Variants in CCT3 observed in about 807,000 individuals in gnomAD.
The protein encoded by CCT3 is chaperonin containing TCP1 subunit 3, also known as T-complex protein 1 subunit gamma.
A neutral mutation model predicts 65.3 loss-of-function variants in CCT3; 10 were observed. The ratio of observed to expected loss-of-function variants is 0.15; its 90% CI spans 0.09 to 0.26. The LOEUF is 0.26. Among genes scored for constraint, CCT3 ranks in the 10% least tolerant of loss-of-function variants. The probability of loss-of-function intolerance (pLI) is 1.00; values close to 1 mark genes in which losing one functional copy is unlikely to be tolerated. For missense variants in CCT3, 626 were observed against 708.7 expected (o/e 0.88, Z 1.33); for synonymous variants, 225 against 242.3 (o/e 0.93, Z 0.66).
chr1:156,327,771 C>T (rs1321585714), intron 5 of CCT3, among the ~76,000 whole-genome samples: 7 of 149,772 alleles, frequency 4.7e-5, no homozygotes, highest in Non-Finnish European at 1.0e-4. Context: ...GTGAGGAGCC[C>T]CTCTGCCTGG....
chr1:156,328,025 G>A lies in CCT3; in HGVS notation c.305-2936C>T, dbSNP rs1233374583. 4.3e-4 allele frequency among the ~76,000 whole-genome samples: 52 copies of A among 120,338 alleles called. 2 individuals are homozygous for A. The highest frequency in any genetic ancestry group is 2.0e-3 in the Admixed American group (24 of 12,184). The allele number at this position is 120,338 out of a possible 152,430, so 78.9% of individuals were successfully genotyped here. A position where few individuals can be genotyped will look rare whatever the true frequency, so the allele number is the denominator to read the frequency against. ...AGCCCCTCCGTCCGGCAGCCACCCCGTCCGGGAGGGAGGTGGGGGTCCAGC... is the reference window on the plus strand; with the variant it reads ...AGCCCCTCCGTCCGGCAGCCACCCCATCCGGGAGGGAGGTGGGGGTCCAGC... On this transcript the variant is annotated intron_variant, in intron 5 of 13. Transcript: ENST00000295688.
In CCT3 at chr1:156,318,982, C is replaced by A. The variant is rs1448682587; in HGVS notation, c.645G>T (p.Leu215Phe). Residue 215 changes from leucine (L) to phenylalanine (F), a missense_variant, in exon 8 of 14, where the codon TTG becomes TTT. Leu to Phe is a conservative substitution (Grantham distance 22). Coordinates refer to ENST00000295688, the MANE Select transcript of CCT3 (RefSeq NM_005998.5). ...CATCCTTGTTAATCATGACTCCACG[C>A]AAGACACAGGAGTCTTCAATGATGC... ...PGGIIEDSCVLRGVMINKDVT... is the reference protein window; with the variant it reads ...PGGIIEDSCVFRGVMINKDVT... 1.9e-6 allele frequency: 3 copies of A among 1,613,812 alleles called. No homozygotes were observed. Among genetic ancestry groups the A allele is most frequent in the Non-Finnish European group, 2.5e-6 (3 of 1,179,886 alleles).
At chr1:156,310,319 C>T (rs1326269464) in intron 13 of CCT3, among the ~76,000 whole-genome samples, 1 of 151,810 alleles carries the variant, frequency 6.6e-6, no homozygotes, top group Non-Finnish European at 1.5e-5. Flanking sequence ...ATAGTGAAAC[C>T]CTATCTCTAC....
chr1:156,336,916 G>T (rs1324910413), intron 1 of CCT3, among the ~76,000 whole-genome samples: 1 of 151,672 alleles, frequency 6.6e-6, no homozygotes, highest in East Asian at 1.9e-4. Flanking sequence ...TCAAAATAGC[G>T]TTTTTATTTT....
At chr1:156,313,381 A>G (rs892328633) in intron 10 of CCT3, among the ~76,000 whole-genome samples, 1 of 149,560 alleles carries the variant, frequency 6.7e-6, no homozygotes, top group Non-Finnish European at 1.5e-5. Context: ...AGAGAGAGAG[A>G]GAAATCATTG....
At chr1:156,317,621 T>C in intron 8 of CCT3, 74 bp from the exon 9 acceptor site, 1 of 1,378,668 alleles carries the variant, frequency 7.3e-7, no homozygotes, top group Non-Finnish European at 1.0e-6. Context: ...ATTATACTCC[T>C]TCCACCCACC....
intron 6 of CCT3, among the ~76,000 whole-genome samples, chr1:156,321,425 G>T (rs1664547839): frequency 6.6e-6 from 1 of 152,042 alleles, no homozygotes; most frequent in African/African-American, 2.4e-5. Context: ...CATTTGAACA[G>T]CAAATTTTAT....
chr1:156,319,031 A>C lies in CCT3; in HGVS notation c.610-14T>G. ...GCCTCCAGGTATCTGAACAAAAGAC[A>C]ACTGCACTTTAATCCACAATCAAGA... On this transcript the variant is annotated splice_polypyrimidine_tract_variant and intron_variant, in intron 7 of 13. Transcript: ENST00000295688. 6.3e-7 allele frequency: 1 copy of C among 1,583,194 alleles called. No individual in the cohort carries two copies. Among genetic ancestry groups the C allele is most frequent in the South Asian group, 1.1e-5 (1 of 86,970 alleles).
intron 5 of CCT3, among the ~76,000 whole-genome samples, chr1:156,331,790 T>C (rs996912675): frequency 6.6e-6 from 1 of 151,956 alleles, no homozygotes; most frequent in African/African-American, 2.4e-5. Flanking sequence ...TCCCAGCACT[T>C]TGGGAGGCAG....
Position 156,324,961 on chromosome 1 carries a change from C to T in CCT3, c.422+11G>A, listed in dbSNP as rs1664739230. The T allele has an allele frequency of 1.3e-6, 2 of 1,562,720 alleles. No individual in the cohort carries two copies. The highest frequency in any genetic ancestry group is 2.2e-5 in the South Asian group (2 of 90,068). On this transcript the variant is annotated intron_variant, in intron 6 of 13. Transcript: ENST00000295688. ...ATATTTGATACTACCTATTTCTTGC[C>T]CCCAAGATACCTTATTTTCTTTAGG... is the stretch of plus-strand genomic sequence containing the variant.
intron 5 of CCT3, among the ~76,000 whole-genome samples, chr1:156,332,388 A>G (rs1472310827): frequency 6.6e-6 from 1 of 152,234 alleles, no homozygotes; most frequent in East Asian, 1.9e-4. Flanking sequence ...AATAAAGGCA[A>G]TAGGCCAAGA....
At chr1:156,319,331 T>C (rs1664450918) in intron 7 of CCT3, among the ~76,000 whole-genome samples, 1 of 151,974 alleles carries the variant, frequency 6.6e-6, no homozygotes, top group Admixed American at 6.6e-5. Context: ...TTAGCCAGGA[T>C]GGTCTCGATC....
rs1278170300 is a variant in CCT3 at position 156,315,446 on chromosome 1, T to C, written c.974+1720A>G. Among the ~76,000 whole-genome samples the C allele has an allele frequency of 3.3e-5, 5 of 152,302 alleles. No homozygotes were observed. The East Asian group carries it at 9.6e-4, about 29-fold the overall frequency. On this transcript the variant is annotated intron_variant, in intron 10 of 13. Transcript: ENST00000295688. Reference sequence around the variant, plus strand: ...CTGGTCTTGAACTCCTCACCTCAGGTGATCCACCTGCCTTGGCCTCCCAAA... The same window carrying C: ...CTGGTCTTGAACTCCTCACCTCAGGCGATCCACCTGCCTTGGCCTCCCAAA...
At chr1:156,328,200 GGGGGGGTC>G (rs1664937708) in intron 5 of CCT3, among the ~76,000 whole-genome samples, 1 of 116,696 alleles carries the variant, frequency 8.6e-6, no homozygotes, top group South Asian at 2.8e-4. Context: ...GAGGGAGGTG[GGGGGGGTC>G]AGTCCCCCCG....
chr1:156,337,750 G>T, intron 1 of CCT3: 1 of 218,174 alleles, frequency 4.6e-6, no homozygotes, highest in Non-Finnish European at 9.2e-6. Flanking sequence ...TTAAATTACC[G>T]CTACTAAGGG....
In CCT3 at chr1:156,338,193, G is replaced by C; in HGVS notation, c.-9C>G. On this transcript the variant is annotated 5_prime_UTR_variant, in exon 1 of 14. The change creates a new upstream start codon in the 5' untranslated region. Coordinates refer to ENST00000295688, the MANE Select transcript of CCT3 (RefSeq NM_005998.5). ...GGACGATGGCCCATCATGGCGACGCGATGCAGAGCCGGGTACCCAGAGCTG... is the reference window on the plus strand; with the variant it reads ...GGACGATGGCCCATCATGGCGACGCCATGCAGAGCCGGGTACCCAGAGCTG... The C allele has an allele frequency of 6.3e-7, 1 of 1,586,844 alleles. No individual in the cohort carries two copies. Among genetic ancestry groups the C allele is most frequent in the Non-Finnish European group, 8.6e-7 (1 of 1,168,234 alleles).
At position 156,334,897 on chromosome 1, in the gene CCT3, T is replaced by C; in HGVS notation, c.115A>G (p.Thr39Ala). 6.2e-7 allele frequency: 1 copy of C among 1,614,118 alleles called. No homozygotes were observed. The highest frequency in any genetic ancestry group is 8.5e-7 in the Non-Finnish European group (1 of 1,179,992). ...ATCATGGACTTGGGTCCCAAACATGTTCGGATGATATCTGCAATAGTCTAA... is the reference window on the plus strand; with the variant it reads ...ATCATGGACTTGGGTCCCAAACATGCTCGGATGATATCTGCAATAGTCTAA... Reference protein sequence around the residue: ...AAKTIADIIRTCLGPKSMMKM... With the variant: ...AAKTIADIIRACLGPKSMMKM... Residue 39 changes from threonine (T) to alanine (A), a missense_variant, in exon 3 of 14, where the codon ACA becomes GCA. Thr to Ala is a moderately conservative substitution (Grantham distance 58). Transcript: ENST00000295688.
Position 156,317,257 on chromosome 1 carries a change from CA to C in CCT3, c.893-11del. 1 of 1,613,524 alleles carries C rather than the reference CA, an allele frequency of 6.2e-7. No homozygotes were observed. The highest frequency in any genetic ancestry group is 8.5e-7 in the Non-Finnish European group (1 of 1,179,468). ...TAGTGCTGAGCTAAATCTACAAATC[CA>C]AGAGTAGAGATGTCAAGCTGGGTTC... On this transcript the variant is annotated splice_polypyrimidine_tract_variant and intron_variant, in intron 9 of 13. Coordinates refer to ENST00000295688, the MANE Select transcript of CCT3 (RefSeq NM_005998.5).
chr1:156,334,134 G>A (rs1199672078), intron 4 of CCT3, among the ~76,000 whole-genome samples: 2 of 151,920 alleles, frequency 1.3e-5, no homozygotes, highest in African/African-American at 4.8e-5. Flanking sequence ...AGCTAATCAG[G>A]AGGCTGAGGC....
Sources: allele counts gnomAD v4.1 joint callset (sites outside exome capture counted in the v4.1 genomes callset), GRCh38; gene constraint gnomAD v4.1.1; transcripts MANE v1.5; gene names NCBI Gene and HGNC (gene_info 2026-07-23, HGNC 2026-07-21).